The following FUT8 variants were observed in gnomAD, a reference collection of about 807,000 sequenced individuals.
The protein encoded by FUT8 is alpha-(1,6)-fucosyltransferase.
Under a neutral mutation model 71.3 loss-of-function variants are expected in FUT8, and 29 were observed. The ratio of observed to expected loss-of-function variants is 0.41; its 90% CI spans 0.30 to 0.55. FUT8 has a LOEUF of 0.55. FUT8 is among the 20% of genes least tolerant of loss of function. The pLI, the probability that FUT8 is intolerant of heterozygous loss-of-function variation, is 0.34. For synonymous variants in FUT8, 254 were observed against 239.3 expected (o/e 1.06, Z -0.57); for missense variants, 544 against 702.1 (o/e 0.77, Z 2.55).
At chr14:65,384,626 T>C in the FUT8 span, among the ~76,000 whole-genome samples, 1 of 152,176 alleles carries the variant, frequency 6.6e-6, no homozygotes, top group Admixed American at 6.5e-5. This position sits in a 1 kb window ranked among gnomAD's most constrained non-coding sequence, Gnocchi z 4.2. Context: ...ATCTCTTGTA[T>C]AATATTTTGT....
At chr14:65,690,061 A>G (rs1280418721) in intron 7 of FUT8, among the ~76,000 whole-genome samples, 2 of 152,160 alleles carry the variant, frequency 1.3e-5, no homozygotes, top group Admixed American at 1.3e-4. Flanking sequence ...TCTAGATTCT[A>G]TACCCTGTTT....
At chr14:65,716,812 G>GAC (rs1895087032) in intron 7 of FUT8, among the ~76,000 whole-genome samples, 1 of 150,048 alleles carries the variant, frequency 6.7e-6, no homozygotes, top group Non-Finnish European at 1.5e-5. Flanking sequence ...CTTCCCAGAC[G>GAC]GGGCGGCCGG....
At chr14:65,390,208 T>C in the FUT8 span, among the ~76,000 whole-genome samples, 1 of 150,942 alleles carries the variant, frequency 6.6e-6, no homozygotes, top group Non-Finnish European at 1.5e-5. Context: ...ATATACAGTA[T>C]GTCAGGTACA....
At chr14:65,588,205 A>C (rs1388382063) in intron 3 of FUT8, among the ~76,000 whole-genome samples, 4 of 152,034 alleles carry the variant, frequency 2.6e-5, no homozygotes, top group Non-Finnish European at 5.9e-5. Context: ...CCTGTACCCT[A>C]TGCTCTAGCC....
In FUT8 at chr14:65,643,970, A is replaced by G. The variant is rs941690948; in HGVS notation, c.597+14364A>G. On this transcript the variant is annotated intron_variant, in intron 6 of 10. Coordinates refer to ENST00000673929, the MANE Select transcript of FUT8 (RefSeq NM_001371533.1). The surrounding 1 kb of genome is among the most constrained non-coding windows in gnomAD (Gnocchi z 4.5). ...ATAGTTCGACTCTGATCTAAGTCAC[A>G]ATACAGTTCTAGAAACAATTTTCCA... 2.0e-5 allele frequency among the ~76,000 whole-genome samples: 3 copies of G among 152,130 alleles called. No homozygotes were observed. Among genetic ancestry groups the G allele is most frequent in the Non-Finnish European group, 4.4e-5 (3 of 68,030 alleles).
chr14:65,494,193 T>C (rs1338497563), intron 2 of FUT8, among the ~76,000 whole-genome samples: 1 of 152,122 alleles, frequency 6.6e-6, no homozygotes, highest in Non-Finnish European at 1.5e-5. Context: ...GCAGTTAAAA[T>C]TGGTTTCAGT....
intron 7 of FUT8, among the ~76,000 whole-genome samples, chr14:65,721,104 G>A (rs1249274991): frequency 6.6e-6 from 1 of 152,058 alleles, no homozygotes; most frequent in Non-Finnish European, 1.5e-5. Flanking sequence ...ATCAGGTACT[G>A]TGATCACTTA....
At position 65,561,583 on chromosome 14, in the gene FUT8, C is replaced by G. The variant is rs752511284; in HGVS notation, c.20C>G (p.Ser7Cys). 3.1e-6 allele frequency: 5 copies of G among 1,613,378 alleles called. No individual in the cohort carries two copies. The highest frequency in any genetic ancestry group is 4.2e-6 in the Non-Finnish European group (5 of 1,179,508). MRPWTG[S>C]WRWIMLILFA... is the part of the protein sequence containing the mutation. ...CTGAAAATGCGGCCATGGACTGGTT[C>G]CTGGCGTTGGATTATGCTCATTCTT... Residue 7 changes from serine to cysteine, a missense_variant, in exon 3 of 11, where the codon TCC (serine) becomes TGC (cysteine). Ser to Cys is a moderately radical substitution (Grantham distance 112, BLOSUM62 -1). Coordinates refer to ENST00000673929, the MANE Select transcript of FUT8 (RefSeq NM_001371533.1).
At chr14:65,712,518 C>T (rs1321300974) in intron 7 of FUT8, among the ~76,000 whole-genome samples, 1 of 152,198 alleles carries the variant, frequency 6.6e-6, no homozygotes, top group African/African-American at 2.4e-5. Flanking sequence ...GATGTCGGCT[C>T]ACTGCAACCT....
intron 7 of FUT8, among the ~76,000 whole-genome samples, chr14:65,695,150 A>G (rs1247615972): frequency 2.0e-5 from 3 of 152,184 alleles, no homozygotes; most frequent in Admixed American, 6.5e-5. Flanking sequence ...TACTGTGGCT[A>G]GATGAAGTAT....
At chr14:65,509,742 G>A (rs1199786443) in intron 2 of FUT8, among the ~76,000 whole-genome samples, 1 of 152,004 alleles carries the variant, frequency 6.6e-6, no homozygotes, top group Non-Finnish European at 1.5e-5. Context: ...TTCACATATA[G>A]AAATGCTACT....
At chr14:65,688,199 T>TA (rs1165650637) in intron 7 of FUT8, among the ~76,000 whole-genome samples, 1 of 152,198 alleles carries the variant, frequency 6.6e-6, no homozygotes, top group African/African-American at 2.4e-5. Context: ...AGCATAATCA[T>TA]ACAGAAGTTT....
intron 2 of FUT8, among the ~76,000 whole-genome samples, chr14:65,524,887 T>C (rs1200249403): frequency 2.0e-5 from 3 of 152,196 alleles, no homozygotes; most frequent in Non-Finnish European, 4.4e-5. Flanking sequence ...TATTGATTTA[T>C]GTATGTTGAA....
At chr14:65,582,043 T>C (rs1887120973) in intron 3 of FUT8, among the ~76,000 whole-genome samples, 1 of 152,170 alleles carries the variant, frequency 6.6e-6, no homozygotes, top group Non-Finnish European at 1.5e-5. Context: ...TGGTGTTGAA[T>C]TTGCCTTTGC....
chr14:65,486,616 G>T (rs2066412842), intron 2 of FUT8, among the ~76,000 whole-genome samples: 1 of 152,204 alleles, frequency 6.6e-6, no homozygotes. Context: ...ATAGATGGTA[G>T]CTGGAGCTAG....
rs1476948732 is a variant in FUT8 at position 65,542,993 on chromosome 14, G to A, written c.-227-18344G>A. Among the ~76,000 whole-genome samples the A allele has an allele frequency of 2.6e-5, 4 of 152,194 alleles. No individual in the cohort carries two copies. In the East Asian group the frequency reaches 7.7e-4, roughly 29 times the overall value. ...GATGGGGTTTCACCATGTTGGTCAG[G>A]CTGGTCTCAAACCCCTGACCTCAGG... On this transcript the variant is annotated intron_variant, in intron 2 of 10. Coordinates refer to ENST00000673929, the MANE Select transcript of FUT8 (RefSeq NM_001371533.1).
intron 3 of FUT8, among the ~76,000 whole-genome samples, chr14:65,594,924 A>G (rs1000743891): frequency 2.6e-5 from 4 of 152,146 alleles, no homozygotes; most frequent in Non-Finnish European, 2.9e-5. Flanking sequence ...AAAAGGCAGC[A>G]TTCGATTGGT....
At chr14:65,462,084 A>G (rs1312670229) in intron 2 of FUT8, among the ~76,000 whole-genome samples, 1 of 152,194 alleles carries the variant, frequency 6.6e-6, no homozygotes, top group Non-Finnish European at 1.5e-5. Context: ...ATGATCTTTA[A>G]GACATTTCTA....
rs574726745 is a variant in FUT8 at position 65,571,204 on chromosome 14, A to T, written c.203+9438A>T. ...TGTCAGTAATCTTTTTCAATGACTG[A>T]TATAATGAACCTGTTAGGAGAAAGA... On this transcript the variant is annotated intron_variant, in intron 3 of 10. Coordinates refer to ENST00000673929, the MANE Select transcript of FUT8 (RefSeq NM_001371533.1). 2.0e-5 allele frequency among the ~76,000 whole-genome samples: 3 copies of T among 152,212 alleles called. No homozygotes were observed. The East Asian group carries it at 5.8e-4, about 29-fold the overall frequency.
Sources: allele counts gnomAD v4.1 joint callset (sites outside exome capture counted in the v4.1 genomes callset), GRCh38; gene constraint gnomAD v4.1.1; non-coding constraint Gnocchi (gnomAD v3.1); transcripts MANE v1.5; gene names NCBI Gene and HGNC (gene_info 2026-07-23, HGNC 2026-07-21).